LGALS8: variants seen among roughly 807,000 people sequenced by gnomAD.
The protein encoded by LGALS8 is galectin-8.
LGALS8 carries 30 observed loss-of-function variants against 35.9 expected under a neutral mutation model. The ratio of observed to expected loss-of-function variants is 0.83; its 90% CI spans 0.62 to 1.13. LGALS8 has a LOEUF of 1.13. Among genes scored for constraint, LGALS8 ranks in the 50% most tolerant of loss-of-function variants. LGALS8 has a pLI of 0.00. For synonymous variants in LGALS8, 138 were observed against 136.1 expected, an observed-to-expected ratio of 1.01 and a Z score of -0.10; for missense variants, 366 against 388.7, an observed-to-expected ratio of 0.94 and a Z score of 0.49.
chr1:236,532,847 GAAAAACA>G (rs57642625), intron 2 of LGALS8, among the ~76,000 whole-genome samples: 58,331 of 150,904 alleles, frequency 0.39, 12,039 homozygotes, highest in South Asian at 0.54. Flanking sequence ...TCCATCTCAA[GAAAAACA>G]AAAAACAAAA....
intron 8 of LGALS8, 28 bp from the exon 9 acceptor site, chr1:236,544,722 G>GTTTT (rs5781896): frequency 1.3e-3 from 1,761 of 1,346,688 alleles, no homozygotes; most frequent in Admixed American, 6.8e-3. Context: ...GTTAATTAAG[G>GTTTT]TTTTTTTTTT....
At chr1:236,546,297 A>G (rs1310553896) in intron 9 of LGALS8, among the ~76,000 whole-genome samples, 6 of 152,170 alleles carry the variant, frequency 3.9e-5, no homozygotes, top group African/African-American at 1.4e-4. Context: ...CAGGAGCAGT[A>G]ATTATCCTTG....
Position 236,548,101 on chromosome 1 carries a change from CA to C in LGALS8, c.895del (p.Ser299ValfsTer16), listed in dbSNP as rs1304920949. 2.5e-6 allele frequency: 4 copies of C among 1,613,800 alleles called. No individual in the cohort carries two copies. The highest frequency in any genetic ancestry group is 2.5e-6 in the Non-Finnish European group (3 of 1,179,840). Reference sequence around the variant, plus strand: ...ACAAACACAGATTTAAAGAGCTCAGCAGTATTGACACGCTGGAAATTAATGG... The same window carrying C: ...ACAAACACAGATTTAAAGAGCTCAGCGTATTGACACGCTGGAAATTAATGG... Reference protein sequence around the residue: ...EYKHRFKELSSIDTLEINGDI... With the variant: ...EYKHRFKELSXIDTLEINGDI... On this transcript the variant is annotated frameshift_variant, in exon 10 of 10. Coordinates refer to ENST00000366584, the MANE Select transcript of LGALS8 (RefSeq NM_201544.4). LOFTEE classifies it high-confidence loss of function.
chr1:236,544,600 A>G (rs1662243829), intron 8 of LGALS8, 150 bp from the exon 9 acceptor site: 2 of 509,502 alleles, frequency 3.9e-6, no homozygotes, highest in African/African-American at 1.9e-5. Context: ...TAAAATTTCA[A>G]CTTCACCTGC....
chr1:236,530,027 C>G (rs942644901), intron 2 of LGALS8, among the ~76,000 whole-genome samples: 2 of 152,146 alleles, frequency 1.3e-5, no homozygotes. Context: ...AGGAATGCTG[C>G]CAGTGAAATT....
chr1:236,543,811 T>C (rs770921335), intron 8 of LGALS8, among the ~76,000 whole-genome samples, 163 bp downstream of exon 8: 9 of 152,018 alleles, frequency 5.9e-5, no homozygotes, highest in Admixed American at 2.6e-4. Context: ...GAACAGCCAG[T>C]GGGCAGCAGA....
At chr1:236,537,079 C>G (rs185428353) in intron 2 of LGALS8, among the ~76,000 whole-genome samples, 1 of 144,904 alleles carries the variant, frequency 6.9e-6, no homozygotes, top group Admixed American at 7.0e-5. Context: ...CATAGTGGCG[C>G]GATCTCGGCT....
rs1480960628 is a variant in LGALS8, at chr1:236,542,571, C to A, written c.523-190C>A. On this transcript the variant is annotated intron_variant, in intron 6 of 9. Coordinates refer to ENST00000366584, the MANE Select transcript of LGALS8 (RefSeq NM_201544.4). Reference sequence around the variant, plus strand: ...GAACAGGGATATCAGACTCTCTTCTCAACCCGTGTAGCCCTTCACAACACC... The same window carrying A: ...GAACAGGGATATCAGACTCTCTTCTAAACCCGTGTAGCCCTTCACAACACC... The A allele has an allele frequency of 6.5e-6, 4 of 619,072 alleles. No homozygotes were observed. The Admixed American group carries it at 1.1e-4, about 18-fold the overall frequency. The allele number at this position is 619,072 out of a possible 1,614,324, so 38.3% of individuals were successfully genotyped here. A position where few individuals can be genotyped will look rare whatever the true frequency, so the allele number is the denominator to read the frequency against.
intron 8 of LGALS8, 137 bp downstream of exon 8, chr1:236,543,785 G>A (rs539557091): frequency 8.7e-6 from 6 of 692,444 alleles, no homozygotes; most frequent in South Asian, 8.1e-5. Flanking sequence ...ATTCAAGCAG[G>A]AGGTGGTTAG....
chr1:236,548,773 A>G lies in LGALS8; in HGVS notation c.*612A>G. 3.2e-6 allele frequency: 1 copy of G among 310,972 alleles called. No homozygotes were observed. The highest frequency in any genetic ancestry group is 5.7e-6 in the Non-Finnish European group (1 of 175,660). 19.3% of individuals were successfully genotyped at this position (310,972 alleles called of 1,614,324 possible). On this transcript the variant is annotated 3_prime_UTR_variant, in exon 10 of 10. Transcript: ENST00000366584. ...CTGAGGACTGATGTTGACTGACATC[A>G]TTTTCTTTATCGTAATAAACATGTG... is the stretch of plus-strand genomic sequence containing the variant.
intron 2 of LGALS8, among the ~76,000 whole-genome samples, chr1:236,532,295 T>G (rs1661193465): frequency 6.6e-6 from 1 of 152,190 alleles, no homozygotes; most frequent in Non-Finnish European, 1.5e-5. Context: ...CTGCCAATGT[T>G]AATTCTTTTC....
intron 4 of LGALS8, 47 bp from the exon 5 acceptor site, chr1:236,540,515 CTG>C (rs1477087781): frequency 4.8e-6 from 7 of 1,449,838 alleles, no homozygotes; most frequent in Admixed American, 2.8e-5. Context: ...AATTTATTAA[CTG>C]TTTTTTTTTG....
intron 9 of LGALS8, among the ~76,000 whole-genome samples, chr1:236,545,767 G>A (rs1489003923): frequency 3.3e-5 from 3 of 92,184 alleles, no homozygotes; most frequent in Non-Finnish European, 8.5e-5. Flanking sequence ...AATCATGGAA[G>A]GTTCCCTGAA....
intron 8 of LGALS8, among the ~76,000 whole-genome samples, chr1:236,544,520 G>A (rs1662235091): frequency 9.6e-6 from 1 of 104,626 alleles, no homozygotes; most frequent in South Asian, 2.7e-4. Flanking sequence ...CCTCAACGCT[G>A]ATTTTAAAGG....
chr1:236,529,214 C>T (rs1661004016), intron 2 of LGALS8, among the ~76,000 whole-genome samples: 1 of 152,058 alleles, frequency 6.6e-6, no homozygotes. Context: ...GAGGTTGAGG[C>T]TGCAGTGAGC....
intron 2 of LGALS8, among the ~76,000 whole-genome samples, chr1:236,535,060 CAAAAAAA>C (rs5781893): frequency 1.8e-4 from 12 of 64,904 alleles, no homozygotes; most frequent in Admixed American, 5.8e-4. Flanking sequence ...GACTCTGTCT[CAAAAAAA>C]AAAAAAAAAA....
At chr1:236,521,033 A>G (rs1660533641), upstream of LGALS8, among the ~76,000 whole-genome samples, 1 of 152,200 alleles carries the variant, frequency 6.6e-6, no homozygotes. Flanking sequence ...GGTGCTCCCA[A>G]TTTAATCTTC....
intron 9 of LGALS8, among the ~76,000 whole-genome samples, chr1:236,547,365 T>C (rs1662432702): frequency 6.6e-6 from 1 of 151,478 alleles, no homozygotes. Context: ...ATTTGTAGTA[T>C]GTGCACCACT....
At chr1:236,520,025 C>T (rs987924143), upstream of LGALS8, among the ~76,000 whole-genome samples, 5 of 141,952 alleles carry the variant, frequency 3.5e-5, no homozygotes, top group African/African-American at 1.3e-4. Context: ...GGTACAATCT[C>T]AGCTCACTGC....
Sources: allele counts gnomAD v4.1 joint callset (sites outside exome capture counted in the v4.1 genomes callset), GRCh38; gene constraint gnomAD v4.1.1; transcripts MANE v1.5; gene names NCBI Gene and HGNC (gene_info 2026-07-23, HGNC 2026-07-21).